The following SH3TC1 variants were observed in gnomAD, a reference collection of about 807,000 sequenced individuals.
SH3TC1 encodes the protein SH3 domain and tetratricopeptide repeats 1, also known as SH3 domain and tetratricopeptide repeat-containing protein 1.
A neutral mutation model predicts 117.3 loss-of-function variants in SH3TC1; 135 were observed. The observed-to-expected ratio is 1.15, with a 90% CI of 1.00 to 1.33. SH3TC1 has a LOEUF of 1.33. SH3TC1 is among the 40% of genes most tolerant of loss of function. The pLI, the probability that SH3TC1 is intolerant of heterozygous loss-of-function variation, is 0.00. For missense variants in SH3TC1, 2,092 were observed against 1,794.3 expected (o/e 1.17, Z -3.00); for synonymous variants, 898 against 816.9 (o/e 1.10, Z -1.69).
At chr4:8,232,726 A>C in intron 13 of SH3TC1, 1 of 1,289,818 alleles carries the variant, frequency 7.8e-7, no homozygotes, top group Non-Finnish European at 1.0e-6. Context: ...ACATTGCTGC[A>C]CTCACACCCC....
At chr4:8,214,398 T>C (rs1719032932) in intron 4 of SH3TC1, 77 bp from the exon 5 acceptor site, 1 of 1,364,270 alleles carries the variant, frequency 7.3e-7, no homozygotes, top group African/African-American at 1.4e-5. Flanking sequence ...GATGTCTCTG[T>C]CATGTGGACG....
Position 8,209,570 on chromosome 4 carries a change from C to A in SH3TC1, c.173-178C>A. 1 of 1,422,258 alleles carries A rather than the reference C, an allele frequency of 7.0e-7. No individual in the cohort carries two copies. Among genetic ancestry groups the A allele is most frequent in the South Asian group, 1.2e-5 (1 of 80,590 alleles). 88.1% of individuals were successfully genotyped at this position (1,422,258 alleles called of 1,614,324 possible). Reference sequence around the variant, plus strand: ...GTCACAGCATGCTGGGAAGTGCAGGCAGCTTCCCTCCTTGCTGGGCTCTGG... The same window carrying A: ...GTCACAGCATGCTGGGAAGTGCAGGAAGCTTCCCTCCTTGCTGGGCTCTGG... On this transcript the variant is annotated intron_variant, in intron 2 of 17. Coordinates refer to ENST00000245105, the MANE Select transcript of SH3TC1 (RefSeq NM_018986.5). The surrounding 1 kb of genome is among the most constrained non-coding windows in gnomAD (Gnocchi z 5.9).
intron 1 of SH3TC1, among the ~76,000 whole-genome samples, chr4:8,189,422 C>G (rs895845165): frequency 3.3e-5 from 5 of 152,192 alleles, no homozygotes; most frequent in African/African-American, 1.2e-4. Flanking sequence ...GGGTAGGCCT[C>G]TTTGAGGAGG....
At chr4:8,195,275 A>G (rs1717525771), upstream of SH3TC1, among the ~76,000 whole-genome samples, 2 of 152,216 alleles carry the variant, frequency 1.3e-5, no homozygotes, top group African/African-American at 2.4e-5. Flanking sequence ...CAACTCTACC[A>G]TTTGCAAGAT....
At position 8,225,309 on chromosome 4, in the gene SH3TC1, T is replaced by C; in HGVS notation, c.1285+93T>C. The C allele has an allele frequency of 4.9e-6, 7 of 1,422,160 alleles. No individual in the cohort carries two copies. The highest frequency in any genetic ancestry group is 6.8e-6 in the Non-Finnish European group (7 of 1,029,852). The allele number at this position is 1,422,160 out of a possible 1,614,324, so 88.1% of individuals were successfully genotyped here. ...GTGACAAAGCTGAGCACGGTGGGCA[T>C]TGGGTGCGGCTGTCACCCCTCTGTG... On this transcript the variant is annotated intron_variant, in intron 11 of 17. Transcript: ENST00000245105. The surrounding 1 kb of genome is among the most constrained non-coding windows in gnomAD (Gnocchi z 5.5).
rs550885362 is a variant in SH3TC1, at chr4:8,210,342, C to G, written c.247+520C>G. 6.6e-6 allele frequency among the ~76,000 whole-genome samples: 1 copy of G among 152,356 alleles called. No homozygotes were observed. Among genetic ancestry groups the G allele is most frequent in the Non-Finnish European group, 1.5e-5 (1 of 68,034 alleles). ...CCCCCCGCTGGGGAGGAATGGAGAC[C>G]CCAGCATCCATTGCTGGCTTTGCCC... On this transcript the variant is annotated intron_variant, in intron 3 of 17. Transcript: ENST00000245105. This position sits in a 1 kb window ranked among gnomAD's most constrained non-coding sequence, Gnocchi z 4.1.
At chr4:8,211,219 C>A (rs558017106) in intron 3 of SH3TC1, among the ~76,000 whole-genome samples, 1 of 83,562 alleles carries the variant, frequency 1.2e-5, no homozygotes, top group Admixed American at 1.2e-4. Flanking sequence ...CCTCCCTCTC[C>A]CCCTTCTGGT....
chr4:8,186,713 G>A lies in SH3TC1; in HGVS notation c.-57+4503G>A, dbSNP rs914330740. 2.6e-5 allele frequency among the ~76,000 whole-genome samples: 4 copies of A among 152,188 alleles called. No homozygotes were observed. The highest frequency in any genetic ancestry group is 5.9e-5 in the Non-Finnish European group (4 of 68,036). On this transcript the variant is annotated intron_variant, in intron 1 of 16. Coordinates refer to the SH3TC1 transcript ENST00000508641. The surrounding 1 kb of genome is among the most constrained non-coding windows in gnomAD (Gnocchi z 5.2). The stretch of plus-strand genomic sequence containing the variant: ...AATCCCAGCACTTTGGGAGATGGAG[G>A]TGGGTAGATCACTTGAGGTCAAAAG...
Position 8,205,357 on chromosome 4 carries a change from G to A in SH3TC1, c.163G>A (p.Val55Met). 1.3e-6 allele frequency: 2 copies of A among 1,546,370 alleles called. No homozygotes were observed. Among genetic ancestry groups the A allele is most frequent in the African/African-American group, 2.7e-5 (2 of 73,058 alleles). Residue 55 changes from valine to methionine, a missense_variant, in exon 2 of 18, where the codon GTG becomes ATG. Physicochemically the swap from Val to Met is conservative, Grantham distance 21. Transcript: ENST00000245105. The surrounding 1 kb of genome is among the most constrained non-coding windows in gnomAD (Gnocchi z 5.4). ...GGGGCCCGAGGAGGCCAAGGCGCCA[G>A]TGAGAGGCGGTGAGTTCATTCCACC... The part of the protein sequence containing the change: ...KAGPEEAKAP[V>M]RGDEAPPARV...
chr4:8,195,994 G>C (rs963869457), upstream of SH3TC1, among the ~76,000 whole-genome samples: 1 of 152,206 alleles, frequency 6.6e-6, no homozygotes, highest in East Asian at 1.9e-4. Flanking sequence ...GGTAGGAGGC[G>C]CTAACCTCCC....
At chr4:8,182,774 C>T (rs1174185491) in intron 1 of SH3TC1, among the ~76,000 whole-genome samples, 2 of 152,216 alleles carry the variant, frequency 1.3e-5, no homozygotes, top group Non-Finnish European at 2.9e-5. Flanking sequence ...CAGAGTCAGT[C>T]TTCCCCTGCA....
In SH3TC1 at chr4:8,228,554, C is replaced by T. The variant is rs773934013; in HGVS notation, c.2860C>T (p.His954Tyr). Residue 954 changes from histidine (H) to tyrosine (Y), a missense_variant, in exon 12 of 18, where the codon CAT becomes TAT. Physicochemically the swap from His to Tyr is moderately conservative, Grantham distance 83. Transcript: ENST00000245105. ...CACCCACGTGCTCCTGCAGCTGGGC[C>T]ATCTCTGCACCCGCCAGGGCCCGGC... ...DFTHVLLQLG[H>Y]LCTRQGPAQQ... 17 of 1,607,052 alleles carry T rather than the reference C, an allele frequency of 1.1e-5. No individual in the cohort carries two copies. The Admixed American group carries it at 1.2e-4, about 11-fold the overall frequency.
intron 9 of SH3TC1, 62 bp from the exon 10 acceptor site, chr4:8,222,778 T>A: frequency 1.3e-6 from 2 of 1,580,146 alleles, no homozygotes; most frequent in Non-Finnish European, 1.7e-6. Context: ...GGAAATGTGC[T>A]TAGTGTGAAA....
intron 14 of SH3TC1, among the ~76,000 whole-genome samples, chr4:8,233,906 A>G (rs555120549): frequency 6.8e-6 from 1 of 147,702 alleles, no homozygotes; most frequent in South Asian, 2.2e-4. Flanking sequence ...TCATCCATCC[A>G]TCCATCATTC....
At chr4:8,184,151 A>G (rs1717160123) in intron 1 of SH3TC1, among the ~76,000 whole-genome samples, 1 of 152,198 alleles carries the variant, frequency 6.6e-6, no homozygotes, top group South Asian at 2.1e-4. Context: ...CCTAGATGCA[A>G]TATCTGTATC....
In SH3TC1 at chr4:8,241,072, A is replaced by G; in HGVS notation, c.*117A>G. ...GGCACGAACGCAGGGGCCAAATAGC[A>G]ATAAATGGGTTTTGTTTTTTTTTTG... On this transcript the variant is annotated 3_prime_UTR_variant, in exon 18 of 18. Transcript: ENST00000245105. 1.4e-6 allele frequency: 2 copies of G among 1,400,118 alleles called. No homozygotes were observed. Among genetic ancestry groups the G allele is most frequent in the Non-Finnish European group, 1.9e-6 (2 of 1,051,688 alleles). 86.7% of individuals were successfully genotyped at this position (1,400,118 alleles called of 1,614,324 possible).
intron 1 of SH3TC1, among the ~76,000 whole-genome samples, chr4:8,199,662 C>T (rs1336344517): frequency 6.6e-6 from 1 of 152,188 alleles, no homozygotes; most frequent in African/African-American, 2.4e-5. Flanking sequence ...ACCAAGCACC[C>T]TTGCTTCTGG....
chr4:8,217,276 C>A, intron 7 of SH3TC1, 109 bp downstream of exon 7: 1 of 1,322,182 alleles, frequency 7.6e-7, no homozygotes, highest in Non-Finnish European at 1.1e-6. Flanking sequence ...GGGCCCCGGA[C>A]AGACCTGGCC....
rs751950658 is a variant in SH3TC1, at chr4:8,186,753, G to C, written c.-57+4543G>C. Among the ~76,000 whole-genome samples, 3 of 152,122 alleles carry C rather than the reference G, an allele frequency of 2.0e-5. No homozygotes were observed. The highest frequency in any genetic ancestry group is 2.9e-5 in the Non-Finnish European group (2 of 68,036). On this transcript the variant is annotated intron_variant, in intron 1 of 16. Coordinates refer to the SH3TC1 transcript ENST00000508641. The surrounding 1 kb of genome is among the most constrained non-coding windows in gnomAD (Gnocchi z 5.2). ...GAGGTCAAAAGTTCAAGACCAGCCC[G>C]GCCAACATGGTGAAACCCCATCTCT...
Sources: allele counts gnomAD v4.1 joint callset (sites outside exome capture counted in the v4.1 genomes callset), GRCh38; gene constraint gnomAD v4.1.1; non-coding constraint Gnocchi (gnomAD v3.1); transcripts MANE v1.5; gene names NCBI Gene and HGNC (gene_info 2026-07-23, HGNC 2026-07-21).